Variants in ANK2 observed in about 807,000 individuals in gnomAD.
ANK2 encodes ankyrin-2.
In ANK2, 83 loss-of-function variants were observed where a neutral mutation model predicts 360.5. The ratio of observed to expected loss-of-function variants is 0.23; its 90% CI spans 0.19 to 0.28. The LOEUF (loss-of-function observed/expected upper bound fraction) is 0.28. ANK2 is among the 10% of genes least tolerant of loss of function. ANK2 has a pLI of 1.00. For synonymous variants in ANK2, 1,740 were observed against 1,759.5 expected, an observed-to-expected ratio of 0.99 and a Z score of 0.28; for missense variants, 4,201 against 4,795.7, an observed-to-expected ratio of 0.88 and a Z score of 3.66.
intron 2 of ANK2, among the ~76,000 whole-genome samples, chr4:112,990,343 A>G (rs1461118690): frequency 6.6e-6 from 1 of 152,204 alleles, no homozygotes; most frequent in Non-Finnish European, 1.5e-5. Flanking sequence ...AAAGGCTGAC[A>G]TGATCAGAGT....
rs946858949 is a variant in ANK2, at chr4:113,196,279, T to G, written c.187-89T>G. On this transcript the variant is annotated intron_variant, in intron 2 of 45. Transcript: ENST00000357077. ...AAAAAAGAAGAGATCAGAGTCTGTC[T>G]GTTCTCTGGGTTATATGCTTGAGTA... 1.5e-5 allele frequency: 15 copies of G among 971,832 alleles called. No individual in the cohort carries two copies. The African/African-American group carries it at 2.4e-4, about 15-fold the overall frequency. 60.2% of individuals were successfully genotyped at this position (971,832 alleles called of 1,614,324 possible).
Position 113,361,373 on chromosome 4 carries a change from TGA to T in ANK2, c.10756+480_10756+481del, listed in dbSNP as rs745938477. On this transcript the variant is annotated intron_variant, in intron 39 of 45. Coordinates refer to ENST00000357077, the MANE Select transcript of ANK2 (RefSeq NM_001148.6). Reference sequence around the variant, plus strand: ...ATATTTCACTAATATTTTTGAGAAATGAGAGTGTTTAAGTATAGAAATTTTAT... The same window carrying T: ...ATATTTCACTAATATTTTTGAGAAATGAGTGTTTAAGTATAGAAATTTTAT... Among the ~76,000 whole-genome samples, 4 of 152,188 alleles carry T rather than the reference TGA, an allele frequency of 2.6e-5. No homozygotes were observed. In the East Asian group the frequency reaches 7.7e-4, roughly 29 times the overall value.
At chr4:113,103,942 T>C (rs1453444209) in intron 1 of ANK2, among the ~76,000 whole-genome samples, 2 of 152,186 alleles carry the variant, frequency 1.3e-5, no homozygotes, top group African/African-American at 4.8e-5. Flanking sequence ...CCCCTTTTCC[T>C]CCATGCCTTT....
the ANK2 span, among the ~76,000 whole-genome samples, chr4:112,713,270 A>G: frequency 2.6e-5 from 4 of 152,064 alleles, no homozygotes; most frequent in Admixed American, 2.0e-4. Context: ...GATGAAGAAC[A>G]TTTGGGTTGT....
At chr4:112,918,353 C>T (rs1219304844) in intron 2 of ANK2, among the ~76,000 whole-genome samples, 3 of 151,946 alleles carry the variant, frequency 2.0e-5, no homozygotes, top group Non-Finnish European at 2.9e-5. Flanking sequence ...TATGAAAGCA[C>T]CCGAAAGAAC....
At chr4:113,100,304 A>G (rs983665330) in intron 1 of ANK2, among the ~76,000 whole-genome samples, 3 of 152,144 alleles carry the variant, frequency 2.0e-5, no homozygotes, top group African/African-American at 7.2e-5. Context: ...CAGTTTACAC[A>G]TGTGTAAGTG....
intron 15 of ANK2, among the ~76,000 whole-genome samples, chr4:113,277,264 G>T (rs2060569370): frequency 6.6e-6 from 1 of 152,188 alleles, no homozygotes. Flanking sequence ...TTTTGGGAAA[G>T]GGGACAAGTC....
intron 1 of ANK2, among the ~76,000 whole-genome samples, chr4:113,084,342 C>G (rs182083371): frequency 6.6e-6 from 1 of 152,322 alleles, no homozygotes. Flanking sequence ...GGTCAGCTAG[C>G]TTCCTCTGCT....
chr4:113,233,106 G>GGTTT (rs2099332584), intron 5 of ANK2, among the ~76,000 whole-genome samples: 1 of 79,646 alleles, frequency 1.3e-5, no homozygotes, highest in Non-Finnish European at 2.5e-5. Context: ...TGGCTTTTCT[G>GGTTT]TTTTTTTTTT....
intron 1 of ANK2, among the ~76,000 whole-genome samples, chr4:113,162,213 CT>C (rs113791408): frequency 0.023 from 3,470 of 149,784 alleles, 116 homozygotes; most frequent in African/African-American, 0.079. Flanking sequence ...AGTTTTACAG[CT>C]TTTTTTTTTC....
At chr4:113,302,247 A>G (rs1001335753) in intron 22 of ANK2, among the ~76,000 whole-genome samples, 3 of 152,246 alleles carry the variant, frequency 2.0e-5, no homozygotes, top group Non-Finnish European at 4.4e-5. Flanking sequence ...CCAGAACTGT[A>G]GCCCAGTGAA....
In ANK2 at chr4:113,164,497, G is replaced by T. The variant is rs1350347592; in HGVS notation, c.85-9919G>T. The stretch of plus-strand genomic sequence containing the variant: ...ACTTTTTAGTGTGTGCAGCCCTTGG[G>T]GTGCGGTCAGCACCTCATCTGTGTT... On this transcript the variant is annotated intron_variant, in intron 1 of 45. Coordinates refer to ENST00000357077, the MANE Select transcript of ANK2 (RefSeq NM_001148.6). Among the ~76,000 whole-genome samples the T allele has an allele frequency of 3.3e-5, 5 of 152,130 alleles. No individual in the cohort carries two copies. In the East Asian group the frequency reaches 7.7e-4, roughly 23 times the overall value.
intron 31 of ANK2, 137 bp from the exon 32 acceptor site, chr4:113,339,089 A>G: frequency 1.4e-6 from 1 of 720,916 alleles, no homozygotes; most frequent in Non-Finnish European, 2.4e-6. Flanking sequence ...TAGCATGTAG[A>G]TTTTAGTCAT....
rs1163419046 is a variant in ANK2 at position 113,312,292 on chromosome 4, AG to A, written c.2693+894del. Among the ~76,000 whole-genome samples, 445 of 149,266 alleles carry A rather than the reference AG, an allele frequency of 3.0e-3. 5 individuals are homozygous for A. Among genetic ancestry groups the A allele is most frequent in the African/African-American group, 9.4e-3 (371 of 39,568 alleles). On this transcript the variant is annotated intron_variant, in intron 24 of 45. Transcript: ENST00000357077. ...TCTCTTGAGACAGAAAAAAAAAAAA[AG>A]AAAAGAAAAGAAAGTTTGTCCACGT...
intron 24 of ANK2, among the ~76,000 whole-genome samples, chr4:113,312,339 TC>T (rs2080499488): frequency 6.6e-6 from 1 of 151,896 alleles, no homozygotes; most frequent in Non-Finnish European, 1.5e-5. Flanking sequence ...GTTCTGCTAA[TC>T]AATAATCTCA....
At chr4:112,819,091 G>T (rs936298730) in intron 1 of ANK2, among the ~76,000 whole-genome samples, 2 of 152,174 alleles carry the variant, frequency 1.3e-5, no homozygotes, top group African/African-American at 4.8e-5. Flanking sequence ...GATGTCTTAG[G>T]TGTGGCCTTT....
At chr4:112,870,676 T>C (rs982448170) in intron 1 of ANK2, among the ~76,000 whole-genome samples, 1 of 152,242 alleles carries the variant, frequency 6.6e-6, no homozygotes, top group Non-Finnish European at 1.5e-5. Flanking sequence ...TCCATGCCTG[T>C]AGTATCACAC....
intron 29 of ANK2, among the ~76,000 whole-genome samples, chr4:113,334,259 T>G (rs1390885745): frequency 6.6e-6 from 1 of 152,204 alleles, no homozygotes; most frequent in East Asian, 1.9e-4. Context: ...AATTATGCCC[T>G]CTAGATATGT....
chr4:112,928,504 G>A (rs1046482604), intron 2 of ANK2, among the ~76,000 whole-genome samples: 10 of 151,894 alleles, frequency 6.6e-5, no homozygotes, highest in African/African-American at 1.7e-4. Flanking sequence ...TCTGAATTTC[G>A]TATGTCGAAG....
Sources: allele counts gnomAD v4.1 joint callset (sites outside exome capture counted in the v4.1 genomes callset), GRCh38; gene constraint gnomAD v4.1.1; transcripts MANE v1.5; gene names NCBI Gene and HGNC (gene_info 2026-07-23, HGNC 2026-07-21).